Variants in PTPN4 observed in about 807,000 individuals in gnomAD.
PTPN4 encodes the protein tyrosine-protein phosphatase non-receptor type 4.
PTPN4 carries 49 observed loss-of-function variants against 135.5 expected under a neutral mutation model. That is an observed-to-expected ratio of 0.36 (90% confidence interval 0.29 to 0.46). The LOEUF is 0.46. Ranked by LOEUF, PTPN4 falls within the 20% of genes least tolerant of loss-of-function variation. The pLI is 1.00. For missense variants in PTPN4, 860 were observed against 1,101.0 expected (o/e 0.78, Z 3.10); for synonymous variants, 333 against 369.9 (o/e 0.90, Z 1.14).
intron 1 of PTPN4, among the ~76,000 whole-genome samples, chr2:119,806,720 G>A (rs1038984716): frequency 3.9e-5 from 6 of 152,222 alleles, no homozygotes; most frequent in Middle Eastern, 6.8e-3. Context: ...GCTGCACCAA[G>A]CGGACCTAAT....
At chr2:119,889,512 T>G (rs1439122116) in intron 9 of PTPN4, among the ~76,000 whole-genome samples, 1 of 152,258 alleles carries the variant, frequency 6.6e-6, no homozygotes, top group African/African-American at 2.4e-5. Flanking sequence ...TATTTGGGTG[T>G]TCTGTCTTCT....
At chr2:119,793,845 A>ATTTTTTTTT (rs1691199309) in intron 1 of PTPN4, among the ~76,000 whole-genome samples, 1 of 15,726 alleles carries the variant, frequency 6.4e-5, no homozygotes, top group African/African-American at 2.2e-4. Flanking sequence ...TTTCATTTTT[A>ATTTTTTTTT]GTTTTTTTTT....
rs1679706375 is a variant in PTPN4 at position 119,982,237 on chromosome 2, A to G, written c.*5167A>G. The G allele has an allele frequency of 6.6e-6, 1 of 152,108 alleles. No homozygotes were observed. The highest frequency in any genetic ancestry group is 2.4e-5 in the African/African-American group (1 of 41,418). The allele number at this position is 152,108 out of a possible 1,614,324, so 9.4% of individuals were successfully genotyped here. A position where few individuals can be genotyped will look rare whatever the true frequency, so the allele number is the denominator to read the frequency against. Reference sequence around the variant, plus strand: ...TTGTTGTGTAAAGGATATAGAAAATATTTTTCTATGGACAGAAGGTTGAAA... The same window carrying G: ...TTGTTGTGTAAAGGATATAGAAAATGTTTTTCTATGGACAGAAGGTTGAAA... On this transcript the variant is annotated 3_prime_UTR_variant, in exon 27 of 27. Transcript: ENST00000263708.
At chr2:119,776,326 C>A (rs1035399740) in intron 1 of PTPN4, among the ~76,000 whole-genome samples, 1 of 152,142 alleles carries the variant, frequency 6.6e-6, no homozygotes, top group Non-Finnish European at 1.5e-5. Flanking sequence ...CAGGCGCCTG[C>A]CACCACGCCC....
intron 1 of PTPN4, among the ~76,000 whole-genome samples, chr2:119,766,878 G>C (rs977273991): frequency 6.6e-6 from 1 of 152,152 alleles, no homozygotes; most frequent in African/African-American, 2.4e-5. Flanking sequence ...ATGATGCTAG[G>C]ATTTCTTCTT....
At chr2:119,841,710 G>A (rs1224573917) in intron 2 of PTPN4, among the ~76,000 whole-genome samples, 9 of 152,090 alleles carry the variant, frequency 5.9e-5, no homozygotes, top group Non-Finnish European at 1.2e-4. Context: ...GAATGTATCT[G>A]TTTCTTCTCC....
chr2:119,889,869 T>G (rs1285377968), intron 9 of PTPN4, among the ~76,000 whole-genome samples: 1 of 152,242 alleles, frequency 6.6e-6, no homozygotes, highest in Non-Finnish European at 1.5e-5. Context: ...AATTTCTTAA[T>G]TGACCCAATG....
chr2:119,770,695 G>T (rs1221857296), intron 1 of PTPN4, among the ~76,000 whole-genome samples: 1 of 151,956 alleles, frequency 6.6e-6, no homozygotes, highest in South Asian at 2.1e-4. Flanking sequence ...AAAAAATATA[G>T]TAGTATGTTC....
chr2:119,764,628 A>G (rs1690572483), intron 1 of PTPN4, among the ~76,000 whole-genome samples: 1 of 151,788 alleles, frequency 6.6e-6, no homozygotes, highest in South Asian at 2.1e-4. Flanking sequence ...ATAGTTTAAT[A>G]TCTTCTTAAG....
chr2:119,771,718 A>G (rs1383607294), intron 1 of PTPN4: 1 of 152,120 alleles, frequency 6.6e-6, no homozygotes, highest in East Asian at 1.9e-4. Flanking sequence ...TTTCCCTATC[A>G]CAGCCCTATC....
At chr2:119,961,426 AG>A (rs1241831350) in intron 23 of PTPN4, among the ~76,000 whole-genome samples, 2 of 152,232 alleles carry the variant, frequency 1.3e-5, no homozygotes, top group African/African-American at 4.8e-5. Context: ...AACAAGTTCT[AG>A]GGATGATATG....
At chr2:119,962,922 A>T (rs987007599) in intron 24 of PTPN4, among the ~76,000 whole-genome samples, 178 bp downstream of exon 24, 11 of 152,208 alleles carry the variant, frequency 7.2e-5, no homozygotes, top group Non-Finnish European at 1.2e-4. Flanking sequence ...CTATTCTATT[A>T]TAAAATTAAT....
At position 119,791,605 on chromosome 2, in the gene PTPN4, A is replaced by T. The variant is rs185431735; in HGVS notation, c.-17-18232A>T. Among the ~76,000 whole-genome samples, 13 of 152,294 alleles carry T rather than the reference A, an allele frequency of 8.5e-5. No individual in the cohort carries two copies. In the East Asian group the frequency reaches 2.5e-3, roughly 29 times the overall value. ...CATTTCCTATTAATACTTTGAATGT[A>T]TCATCCTACTACCTTCTAACCTTCA... On this transcript the variant is annotated intron_variant, in intron 1 of 26. Transcript: ENST00000263708.
intron 1 of PTPN4, among the ~76,000 whole-genome samples, chr2:119,803,865 G>A (rs769415079): frequency 4.0e-5 from 6 of 151,288 alleles, no homozygotes; most frequent in Admixed American, 6.6e-5. Context: ...GTAATGTCTC[G>A]GTGGCTTGAC....
intron 2 of PTPN4, among the ~76,000 whole-genome samples, chr2:119,837,836 C>T (rs1000321945): frequency 7.2e-5 from 11 of 152,238 alleles, no homozygotes; most frequent in Admixed American, 2.6e-4. Context: ...TCGGAAGTCT[C>T]GTGTGTTACA....
chr2:119,766,115 C>G (rs1690612854), intron 1 of PTPN4, among the ~76,000 whole-genome samples: 1 of 152,170 alleles, frequency 6.6e-6, no homozygotes, highest in Non-Finnish European at 1.5e-5. Context: ...CTGGGCATAT[C>G]AGATCCCCCT....
intron 1 of PTPN4, among the ~76,000 whole-genome samples, chr2:119,767,381 C>G (rs976138134): frequency 2.0e-5 from 3 of 152,202 alleles, no homozygotes. Flanking sequence ...CAGACATGAT[C>G]CCTATCACTA....
chr2:119,867,329 T>G (rs1677847330), intron 3 of PTPN4, among the ~76,000 whole-genome samples: 1 of 152,082 alleles, frequency 6.6e-6, no homozygotes, highest in Admixed American at 6.6e-5. Context: ...AAGTAGTGGT[T>G]GGCTGTGGGG....
chr2:119,810,681 G>C (rs1691560530), intron 2 of PTPN4, among the ~76,000 whole-genome samples: 1 of 152,114 alleles, frequency 6.6e-6, no homozygotes, highest in Admixed American at 6.6e-5. Context: ...ACATATAAAA[G>C]TGTATTCTCC....
Sources: allele counts gnomAD v4.1 joint callset (sites outside exome capture counted in the v4.1 genomes callset), GRCh38; gene constraint gnomAD v4.1.1; transcripts MANE v1.5; gene names NCBI Gene and HGNC (gene_info 2026-07-23, HGNC 2026-07-21).